Variants in CCSER1 observed in about 807,000 individuals in gnomAD.
CCSER1 encodes the protein serine-rich coiled-coil domain-containing protein 1.
A neutral mutation model predicts 82.0 loss-of-function variants in CCSER1; 41 were observed. The observed-to-expected ratio is 0.50, with a 90% CI of 0.39 to 0.65. CCSER1 has a LOEUF of 0.65. CCSER1 is among the 30% of genes least tolerant of loss of function. The probability of loss-of-function intolerance (pLI) is 0.00; values close to 1 mark genes in which losing one functional copy is unlikely to be tolerated. For missense variants in CCSER1, 1,119 were observed against 1,064.2 expected (o/e 1.05, Z -0.72); for synonymous variants, 414 against 383.9 (o/e 1.08, Z -0.92).
intron 6 of CCSER1, among the ~76,000 whole-genome samples, chr4:90,653,954 G>T (rs1050558347): frequency 2.6e-5 from 4 of 152,102 alleles, no homozygotes; most frequent in Non-Finnish European, 4.4e-5. Context: ...AGGCAAAGAG[G>T]AAGCAAGAAC....
At chr4:90,143,789 A>G (rs886547785) in intron 1 of CCSER1, among the ~76,000 whole-genome samples, 11 of 151,140 alleles carry the variant, frequency 7.3e-5, no homozygotes, top group Admixed American at 1.3e-4. Context: ...GGCTCAAGCA[A>G]TCCTCCCACC....
At chr4:90,513,524 C>T (rs1012408471) in intron 5 of CCSER1, among the ~76,000 whole-genome samples, 9 of 152,112 alleles carry the variant, frequency 5.9e-5, no homozygotes, top group African/African-American at 1.7e-4. Context: ...TTGTCTTTTT[C>T]TCTCGATTAG....
chr4:90,611,350 A>G (rs1179245328), intron 5 of CCSER1, among the ~76,000 whole-genome samples: 1 of 152,038 alleles, frequency 6.6e-6, no homozygotes, highest in Admixed American at 6.6e-5. Flanking sequence ...GACTGCTAAC[A>G]TGTAAATTCA....
chr4:90,870,146 A>T (rs760322353), intron 8 of CCSER1, among the ~76,000 whole-genome samples: 41 of 151,932 alleles, frequency 2.7e-4, no homozygotes, highest in Non-Finnish European at 1.5e-4. Context: ...AAACAAGGAT[A>T]ATTTGACTTC....
intron 5 of CCSER1, among the ~76,000 whole-genome samples, chr4:90,497,596 GAGA>G (rs1313171981): frequency 2.0e-5 from 3 of 152,226 alleles, no homozygotes; most frequent in East Asian, 1.9e-4. Context: ...TTCCACAAAA[GAGA>G]AGAAGTAGCT....
chr4:90,465,251 C>T (rs1057227904), intron 4 of CCSER1, among the ~76,000 whole-genome samples: 11 of 152,046 alleles, frequency 7.2e-5, no homozygotes, highest in African/African-American at 1.7e-4. Context: ...TGTGAACCAC[C>T]GCCTCTGCCT....
chr4:90,409,601 G>C (rs935250761), intron 4 of CCSER1, among the ~76,000 whole-genome samples: 1 of 152,118 alleles, frequency 6.6e-6, no homozygotes, highest in African/African-American at 2.4e-5. Context: ...GTCACCACCA[G>C]ACCTGCCCTA....
chr4:90,310,524 A>C (rs1370444898), intron 2 of CCSER1, among the ~76,000 whole-genome samples: 2 of 152,124 alleles, frequency 1.3e-5, no homozygotes, highest in Non-Finnish European at 2.9e-5. Context: ...CTATTATTAT[A>C]AGCTATTTTG....
At chr4:90,561,384 A>T (rs1312708620) in intron 5 of CCSER1, among the ~76,000 whole-genome samples, 1 of 152,264 alleles carries the variant, frequency 6.6e-6, no homozygotes, top group Non-Finnish European at 1.5e-5. Flanking sequence ...TCTTCGTGAC[A>T]TCCCAAGTGT....
intron 7 of CCSER1, among the ~76,000 whole-genome samples, chr4:90,737,626 A>C (rs1419443572): frequency 6.6e-6 from 1 of 152,046 alleles, no homozygotes; most frequent in Non-Finnish European, 1.5e-5. Flanking sequence ...GTGTTCTATA[A>C]ATTTTAGGTA....
intron 6 of CCSER1, among the ~76,000 whole-genome samples, chr4:90,664,762 T>C (rs1731413995): frequency 6.6e-6 from 1 of 151,988 alleles, no homozygotes; most frequent in African/African-American, 2.4e-5. Context: ...TAGCCTGGAA[T>C]GGTGGCACAT....
At chr4:91,258,532 A>T (rs936672663) in intron 10 of CCSER1, among the ~76,000 whole-genome samples, 20 of 152,074 alleles carry the variant, frequency 1.3e-4, no homozygotes, top group African/African-American at 4.6e-4. Flanking sequence ...AGCACTTTAA[A>T]CATCAGTTGA....
intron 8 of CCSER1, among the ~76,000 whole-genome samples, chr4:90,820,115 T>C (rs114808737): frequency 0.01 from 1,568 of 152,298 alleles, 29 homozygotes; most frequent in African/African-American, 0.035. Context: ...GGCCTTAGCT[T>C]TCTTTACTTG....
intron 8 of CCSER1, among the ~76,000 whole-genome samples, chr4:90,877,331 T>C (rs1300974627): frequency 6.6e-6 from 1 of 152,112 alleles, no homozygotes; most frequent in Non-Finnish European, 1.5e-5. Flanking sequence ...TGGAGTCGAT[T>C]TGAATAACAA....
intron 5 of CCSER1, among the ~76,000 whole-genome samples, chr4:90,606,228 C>A (rs1784687741): frequency 6.6e-6 from 1 of 152,062 alleles, no homozygotes; most frequent in South Asian, 2.1e-4. Context: ...TGTCATGTGT[C>A]ACTTAAAGAT....
chr4:90,269,865 C>G (rs1725937318), intron 1 of CCSER1, among the ~76,000 whole-genome samples: 2 of 151,850 alleles, frequency 1.3e-5, no homozygotes, highest in South Asian at 4.1e-4. Flanking sequence ...CGCAAAAATT[C>G]AAAGGATCAT....
intron 3 of CCSER1, chr4:90,370,501 A>T (rs1419387596): frequency 1.3e-5 from 2 of 152,046 alleles, no homozygotes; most frequent in Non-Finnish European, 2.9e-5. Context: ...CATGTTTCAT[A>T]TGCTTTTGGT....
chr4:90,270,472 C>A (rs543374487), intron 1 of CCSER1, among the ~76,000 whole-genome samples: 7 of 151,310 alleles, frequency 4.6e-5, no homozygotes, highest in African/African-American at 1.7e-4. Flanking sequence ...GTAAAAAATA[C>A]TGGATATAGA....
chr4:91,228,979 A>T (rs1738413196), intron 10 of CCSER1, among the ~76,000 whole-genome samples: 1 of 152,096 alleles, frequency 6.6e-6, no homozygotes, highest in African/African-American at 2.4e-5. Flanking sequence ...TAACATCAGT[A>T]ATCTGAGCAA....
Sources: gnomAD v4.1 joint callset for allele counts (sites outside exome capture counted in the v4.1 genomes callset) on GRCh38, gnomAD v4.1.1 for gene constraint, MANE v1.5 for transcripts, NCBI Gene and HGNC (gene_info 2026-07-23, HGNC 2026-07-21) for gene names.